Variants in CPEB4 observed in about 807,000 individuals in gnomAD.
The protein encoded by CPEB4 is cytoplasmic polyadenylation element binding protein 4, also known as cytoplasmic polyadenylation element-binding protein 4.
CPEB4 carries 12 observed loss-of-function variants against 72.5 expected under a neutral mutation model. The ratio of observed to expected loss-of-function variants is 0.17; its 90% CI spans 0.11 to 0.27. CPEB4 has a LOEUF of 0.27. Among genes scored for constraint, CPEB4 ranks in the 10% least tolerant of loss-of-function variants. The pLI is 1.00. For synonymous variants in CPEB4, 302 were observed against 326.3 expected (o/e 0.93, Z 0.80); for missense variants, 614 against 908.5 (o/e 0.68, Z 4.17).
chr5:173,949,424 G>C, intron 5 of CPEB4, 84 bp from the exon 6 acceptor site: 9 of 946,804 alleles, frequency 9.5e-6, no homozygotes, highest in Non-Finnish European at 1.1e-5. Context: ...CTTGTAAATA[G>C]TAGATTTGAA....
chr5:173,890,308 A>G lies in CPEB4; in HGVS notation c.575A>G (p.Gln192Arg). The change falls in exon 1 of 10, where the codon CAG (glutamine) becomes CGG (arginine). Residue 192 changes from glutamine (Q) to arginine (R), a missense_variant. By Grantham distance (43) the Gln-to-Arg change is conservative (BLOSUM62 1). Coordinates refer to ENST00000265085, the MANE Select transcript of CPEB4 (RefSeq NM_030627.4). ...AATGAAGATGCAAGTTTCTTTCACC[A>G]GGGAGGGGTCCCTGCTGCTTCGGCT... ...IINEDASFFH[Q>R]GGVPAASANN... is the part of the protein sequence containing the mutation. 6.2e-7 allele frequency: 1 copy of G among 1,614,120 alleles called. No individual in the cohort carries two copies. Among genetic ancestry groups the G allele is most frequent in the African/African-American group, 1.3e-5 (1 of 75,046 alleles).
chr5:173,942,189 T>C (rs1581161238), intron 3 of CPEB4, among the ~76,000 whole-genome samples: 1 of 152,362 alleles, frequency 6.6e-6, no homozygotes, highest in East Asian at 1.9e-4. Flanking sequence ...CATTAAAAGC[T>C]GCTAGTTCCT....
At chr5:173,894,776 C>A (rs1324380126) in intron 1 of CPEB4, among the ~76,000 whole-genome samples, 1 of 152,008 alleles carries the variant, frequency 6.6e-6, no homozygotes, top group African/African-American at 2.4e-5. Context: ...ACTACAGTGC[C>A]TCTTCACATA....
chr5:173,935,812 T>C (rs1396250885), intron 3 of CPEB4, among the ~76,000 whole-genome samples: 2 of 152,120 alleles, frequency 1.3e-5, no homozygotes, highest in Non-Finnish European at 2.9e-5. Flanking sequence ...CAGTTTTCAG[T>C]GGTTTATATT....
At position 173,900,360 on chromosome 5, in the gene CPEB4, G is replaced by A. The variant is rs756159290; in HGVS notation, c.1125+9502G>A. Among the ~76,000 whole-genome samples the A allele has an allele frequency of 6.6e-5, 10 of 151,838 alleles. No individual in the cohort carries two copies. Among genetic ancestry groups the A allele is most frequent in the Non-Finnish European group, 1.0e-4 (7 of 67,958 alleles). On this transcript the variant is annotated intron_variant, in intron 1 of 9. Coordinates refer to ENST00000265085, the MANE Select transcript of CPEB4 (RefSeq NM_030627.4). This position sits in a 1 kb window ranked among gnomAD's most constrained non-coding sequence, Gnocchi z 4.4. ...GCAGAGGTTGCAGTGAGCCGAGATC[G>A]CGCCATTGCACTCCAGCCTGGACAA... is the stretch of plus-strand genomic sequence containing the variant.
At chr5:173,893,505 T>C (rs2113120030) in intron 1 of CPEB4, among the ~76,000 whole-genome samples, 1 of 152,284 alleles carries the variant, frequency 6.6e-6, no homozygotes, top group Admixed American at 6.5e-5. Context: ...AGAAATTTTA[T>C]AGATATTAGC....
At chr5:173,938,172 T>C (rs1757695606) in intron 3 of CPEB4, among the ~76,000 whole-genome samples, 1 of 152,166 alleles carries the variant, frequency 6.6e-6, no homozygotes, top group South Asian at 2.1e-4. Flanking sequence ...ATTTCTACAC[T>C]CCTCTCCCCA....
intron 2 of CPEB4, among the ~76,000 whole-genome samples, chr5:173,926,720 A>G (rs1443874824): frequency 6.6e-6 from 1 of 152,248 alleles, no homozygotes; most frequent in Non-Finnish European, 1.5e-5. Context: ...TATTTATAAC[A>G]AAATCAATAC....
rs561767642 is a variant in CPEB4 at position 173,941,158 on chromosome 5, G to A, written c.1259-1868G>A. On this transcript the variant is annotated intron_variant, in intron 3 of 9. Coordinates refer to ENST00000265085, the MANE Select transcript of CPEB4 (RefSeq NM_030627.4). ...ATCAATCAACTTTTTAAGATTGACA[G>A]CATTAAGATTTTCAAATCGTTACTT... 2.0e-5 allele frequency among the ~76,000 whole-genome samples: 3 copies of A among 152,250 alleles called. No homozygotes were observed. The East Asian group carries it at 5.8e-4, about 29-fold the overall frequency.
Position 173,888,382 on chromosome 5 carries a change from G to A in CPEB4, c.-1352G>A. 4 of 447,752 alleles carry A rather than the reference G, an allele frequency of 8.9e-6. No individual in the cohort carries two copies. The highest frequency in any genetic ancestry group is 1.5e-5 in the Non-Finnish European group (4 of 259,714). The allele number at this position is 447,752 out of a possible 1,614,324, so 27.7% of individuals were successfully genotyped here. On this transcript the variant is annotated 5_prime_UTR_variant, in exon 1 of 10. Transcript: ENST00000265085. The surrounding 1 kb of genome is among the most constrained non-coding windows in gnomAD (Gnocchi z 4.3). ...CGGTCCTGAGGAGAAGGACTCAGCC[G>A]CGGCTGCGGGACCCGGGCACCGGGA...
intron 2 of CPEB4, among the ~76,000 whole-genome samples, chr5:173,921,523 A>T (rs1353957405): frequency 6.6e-6 from 1 of 152,196 alleles, no homozygotes; most frequent in African/African-American, 2.4e-5. Context: ...GCTTCCTGAC[A>T]TCTGAAGCCA....
intron 1 of CPEB4, among the ~76,000 whole-genome samples, chr5:173,904,168 G>T (rs1052389513): frequency 6.6e-6 from 1 of 152,272 alleles, no homozygotes; most frequent in African/African-American, 2.4e-5. Context: ...TTCACATTCT[G>T]CCTCCACTTA....
chr5:173,915,109 T>G (rs1756817729), intron 2 of CPEB4, among the ~76,000 whole-genome samples: 1 of 152,174 alleles, frequency 6.6e-6, no homozygotes, highest in Non-Finnish European at 1.5e-5. Flanking sequence ...AAAAATTCCC[T>G]TACTGTAATG....
intron 2 of CPEB4, among the ~76,000 whole-genome samples, chr5:173,927,853 T>G (rs1248772516): frequency 6.6e-6 from 1 of 152,208 alleles, no homozygotes; most frequent in African/African-American, 2.4e-5. Context: ...ACATAGATGT[T>G]TATGACGGCT....
rs188199344 is a variant in CPEB4, at chr5:173,926,458, A to G, written c.1208-5992A>G. Among the ~76,000 whole-genome samples the G allele has an allele frequency of 1.7e-4, 26 of 152,320 alleles. No individual in the cohort carries two copies. In the East Asian group the frequency reaches 5.0e-3, roughly 29 times the overall value. On this transcript the variant is annotated intron_variant, in intron 2 of 9. Transcript: ENST00000265085. ...TTCTTCCAACTGGCAAATGCTTAGC[A>G]TAGAATTGCCTAGTTGACGTATGGA...
rs1254834121 is a variant in CPEB4 at position 173,900,062 on chromosome 5, A to G, written c.1125+9204A>G. ...CCTTTTGAGATCACTGTCAAGGCTC[A>G]CAGAAGAGATGTCGAGGGTTACAAG... On this transcript the variant is annotated intron_variant, in intron 1 of 9. Transcript: ENST00000265085. The surrounding 1 kb of genome is among the most constrained non-coding windows in gnomAD (Gnocchi z 4.4). Among the ~76,000 whole-genome samples, 1 of 152,136 alleles carries G rather than the reference A, an allele frequency of 6.6e-6. No individual in the cohort carries two copies. Among genetic ancestry groups the G allele is most frequent in the Non-Finnish European group, 1.5e-5 (1 of 68,020 alleles).
chr5:173,923,818 A>G (rs1757153858), intron 2 of CPEB4, among the ~76,000 whole-genome samples: 1 of 152,008 alleles, frequency 6.6e-6, no homozygotes, highest in African/African-American at 2.4e-5. Flanking sequence ...ACATCCTCTT[A>G]AGGCAAGTTA....
intron 3 of CPEB4, among the ~76,000 whole-genome samples, chr5:173,936,744 A>G (rs772968636): frequency 6.6e-6 from 1 of 151,844 alleles, no homozygotes; most frequent in Non-Finnish European, 1.5e-5. Flanking sequence ...TTTTCCTCTT[A>G]CCCAGCTTGA....
At chr5:173,940,681 A>G (rs1274137737) in intron 3 of CPEB4, among the ~76,000 whole-genome samples, 1 of 152,228 alleles carries the variant, frequency 6.6e-6, no homozygotes, top group Non-Finnish European at 1.5e-5. Flanking sequence ...AAAATAATGT[A>G]TAAGTATTAC....
Sources: allele counts gnomAD v4.1 joint callset (sites outside exome capture counted in the v4.1 genomes callset), GRCh38; gene constraint gnomAD v4.1.1; non-coding constraint Gnocchi (gnomAD v3.1); transcripts MANE v1.5; gene names NCBI Gene and HGNC (gene_info 2026-07-23, HGNC 2026-07-21).